The following PCDH11X variants were observed in gnomAD, a reference collection of about 807,000 sequenced individuals.
The protein encoded by PCDH11X is protocadherin-11 X-linked.
Under a neutral mutation model 53.3 loss-of-function variants are expected in PCDH11X, and 18 were observed. That is an observed-to-expected ratio of 0.34 (90% CI 0.23 to 0.50). PCDH11X has a LOEUF of 0.50. PCDH11X is among the 20% of genes least tolerant of loss of function. PCDH11X has a pLI of 0.98. For synonymous variants in PCDH11X, 279 were observed against 393.3 expected (o/e 0.71, Z 3.44); for missense variants, 570 against 1,032.4 (o/e 0.55, Z 6.14).
At chrX:92,495,394 T>A (rs1343004798) in intron 10 of PCDH11X, among the ~76,000 whole-genome samples, 1 of 104,038 alleles carries the variant, frequency 9.6e-6, no homozygotes, top group East Asian at 3.0e-4. Flanking sequence ...TCGCAGTCAA[T>A]TTTTTTTTTT....
intron 10 of PCDH11X, among the ~76,000 whole-genome samples, chrX:92,581,043 C>T (rs755649414): frequency 7.2e-5 from 8 of 110,826 alleles, no homozygotes; most frequent in African/African-American, 2.0e-4. Context: ...TGCTGACCAC[C>T]GTTTCTTCTA....
chrX:92,030,959 A>T (rs3908423), intron 6 of PCDH11X, among the ~76,000 whole-genome samples: 8,129 of 107,428 alleles, frequency 0.076, 376 homozygotes, highest in East Asian at 0.27. Context: ...GGGTGCAGAT[A>T]TCACTTCATT....
intron 6 of PCDH11X, among the ~76,000 whole-genome samples, chrX:92,198,968 A>T (rs2066344776): frequency 9.0e-6 from 1 of 111,597 alleles, no homozygotes; most frequent in Non-Finnish European, 1.9e-5. Flanking sequence ...AAAATTACAG[A>T]TAATTTTTAA....
intron 7 of PCDH11X, among the ~76,000 whole-genome samples, chrX:92,205,761 C>T (rs1478110120): frequency 9.1e-6 from 1 of 109,966 alleles, no homozygotes; most frequent in Non-Finnish European, 1.9e-5. Context: ...CCACCATGTC[C>T]AGCTAATCAT....
chrX:92,033,222 CT>C (rs2063078420), intron 6 of PCDH11X, among the ~76,000 whole-genome samples: 1 of 110,469 alleles, frequency 9.1e-6, no homozygotes, highest in Non-Finnish European at 1.9e-5. Context: ...CATGTCTTTG[CT>C]TTTGGTATGA....
chrX:92,175,187 G>T (rs1226699295), intron 6 of PCDH11X, among the ~76,000 whole-genome samples: 1 of 111,094 alleles, frequency 9.0e-6, no homozygotes, highest in East Asian at 2.8e-4. Context: ...ATGTTGGCCA[G>T]GCTGGTCTCG....
chrX:91,870,804 G>C lies in PCDH11X; in HGVS notation c.541-5977G>C, dbSNP rs753490472. Among the ~76,000 whole-genome samples the C allele has an allele frequency of 2.7e-5, 3 of 110,268 alleles. No homozygotes were observed. In the East Asian group the frequency reaches 8.6e-4, roughly 32 times the overall value. On this transcript the variant is annotated intron_variant, in intron 5 of 10. Coordinates refer to ENST00000682573, the MANE Select transcript of PCDH11X (RefSeq NM_032968.5). ...GAGATGGTGTTTTCTTACCCAAAGA[G>C]AGATGGTGTTTTCTTACCCAAAGGG...
chrX:91,988,011 C>T (rs1034538085), intron 6 of PCDH11X, among the ~76,000 whole-genome samples: 1 of 109,559 alleles, frequency 9.1e-6, no homozygotes, highest in Admixed American at 9.7e-5. Context: ...GATATCAAAG[C>T]CAATTCTTTT....
chrX:92,100,441 G>A (rs1429292840), intron 6 of PCDH11X, among the ~76,000 whole-genome samples: 2 of 109,397 alleles, frequency 1.8e-5, no homozygotes, highest in African/African-American at 3.4e-5. Flanking sequence ...AGGAGTGGGG[G>A]TCGCAAGGTG....
intron 6 of PCDH11X, among the ~76,000 whole-genome samples, chrX:92,039,202 G>C (rs137865550): frequency 0.032 from 3,579 of 110,367 alleles, 91 homozygotes; most frequent in Admixed American, 0.13. Context: ...AAGGCCCACT[G>C]TAACCACTAC....
chrX:92,080,573 G>T (rs1352915842), intron 6 of PCDH11X, among the ~76,000 whole-genome samples: 1 of 110,667 alleles, frequency 9.0e-6, no homozygotes, highest in Non-Finnish European at 1.9e-5. Context: ...GGATATAGAA[G>T]AGGATTTAAC....
chrX:91,996,174 T>TTCAGTC (rs1179084637), intron 6 of PCDH11X, among the ~76,000 whole-genome samples: 1 of 74,277 alleles, frequency 1.3e-5, no homozygotes, highest in Non-Finnish European at 2.5e-5. Context: ...GAGACGGAGG[T>TTCAGTC]TCAGTCTCCT....
intron 5 of PCDH11X, among the ~76,000 whole-genome samples, chrX:91,854,738 A>T (rs760067300): frequency 1.8e-5 from 2 of 112,112 alleles, no homozygotes; most frequent in South Asian, 7.4e-4. Context: ...CATTTCTCTG[A>T]TGATTAATTA....
chrX:92,225,857 G>C (rs1459883192), intron 7 of PCDH11X, among the ~76,000 whole-genome samples: 3 of 111,492 alleles, frequency 2.7e-5, no homozygotes, highest in Non-Finnish European at 3.8e-5. Context: ...AATCAACAGA[G>C]GTGCTTCAAT....
At chrX:92,011,878 C>T (rs2062697704) in intron 6 of PCDH11X, among the ~76,000 whole-genome samples, 2 of 110,039 alleles carry the variant, frequency 1.8e-5, no homozygotes, top group South Asian at 7.6e-4. Flanking sequence ...TAGTGACTTG[C>T]CAAAAATCCA....
At chrX:92,484,393 T>A in intron 10 of PCDH11X, among the ~76,000 whole-genome samples, 1 of 104,060 alleles carries the variant, frequency 9.6e-6, no homozygotes. Flanking sequence ...AAAGGGGTTG[T>A]ACTAATTTAG....
At chrX:91,779,837 C>A (rs1347369983) in intron 1 of PCDH11X, among the ~76,000 whole-genome samples, 153 bp downstream of exon 1, 3 of 109,204 alleles carry the variant, frequency 2.7e-5, no homozygotes, top group African/African-American at 1.0e-4. Flanking sequence ...TCCCTTCCCC[C>A]TTCTCTTCCC....
chrX:92,367,432 G>T (rs1387070177), intron 8 of PCDH11X, among the ~76,000 whole-genome samples: 1 of 111,065 alleles, frequency 9.0e-6, no homozygotes, highest in Non-Finnish European at 1.9e-5. Context: ...ACACCAATGG[G>T]TCTTGACTCT....
At chrX:91,843,120 CAA>C (rs1937550066) in intron 5 of PCDH11X, among the ~76,000 whole-genome samples, 2 of 105,342 alleles carry the variant, frequency 1.9e-5, no homozygotes, top group African/African-American at 3.4e-5. Flanking sequence ...GCTCAATGTA[CAA>C]AGTCTTGAGG....
Sources: gnomAD v4.1 joint callset for allele counts (sites outside exome capture counted in the v4.1 genomes callset) on GRCh38, gnomAD v4.1.1 for gene constraint, MANE v1.5 for transcripts, NCBI Gene and HGNC (gene_info 2026-07-23, HGNC 2026-07-21) for gene names.